The following UNC13B variants were observed in gnomAD, a reference collection of about 807,000 sequenced individuals.
UNC13B encodes the protein protein unc-13 homolog B.
Under a neutral mutation model 211.0 loss-of-function variants are expected in UNC13B, and 144 were observed. The observed-to-expected ratio is 0.68, with a 90% CI of 0.60 to 0.78. The LOEUF (loss-of-function observed/expected upper bound fraction) is 0.78. Ranked by LOEUF, UNC13B falls within the 30% of genes least tolerant of loss-of-function variation. UNC13B has a pLI of 0.00. For synonymous variants in UNC13B, 709 were observed against 725.8 expected (o/e 0.98, Z 0.37); for missense variants, 1,777 against 2,002.0 (o/e 0.89, Z 2.14).
chr9:35,377,589 G>A lies in UNC13B; in HGVS notation c.9957G>A (p.Arg3319=). 1 of 1,614,226 alleles carries A rather than the reference G, an allele frequency of 6.2e-7. No homozygotes were observed. The change falls in exon 16 of 40, where the codon CGG becomes CGA. Residue 3319 remains arginine (R), a synonymous_variant. Coordinates refer to ENST00000635942, the MANE Select transcript of UNC13B (RefSeq NM_001371189.2). The stretch of plus-strand genomic sequence containing the variant: ...AGCCAGAGATCTTTGAAGTTATCCG[G>A]GACGTCTTCACAGTGAACAAAGCTG... The part of the protein sequence containing the change: ...RNKPEIFEVI[R]DVFTVNKAAH...
intron 1 of UNC13B, among the ~76,000 whole-genome samples, chr9:35,226,563 A>G (rs1046799233): frequency 2.0e-5 from 3 of 152,332 alleles, no homozygotes; most frequent in Admixed American, 1.3e-4. Flanking sequence ...TGCAGCCTTC[A>G]GTCTGTGGTC....
chr9:35,272,249 T>TG lies in UNC13B; in HGVS notation c.526+13199_526+13200insG, dbSNP rs1564106274. Among the ~76,000 whole-genome samples, 112 of 150,638 alleles carry TG rather than the reference T, an allele frequency of 7.4e-4. 1 individual carries two copies. The South Asian group carries it at 0.018, about 24-fold the overall frequency. On this transcript the variant is annotated intron_variant, in intron 7 of 39. Transcript: ENST00000635942. The stretch of plus-strand genomic sequence containing the variant: ...GGTTGTTTCATTTTGTTTTTTTTGT[T>TG]TTTTTTTGTTTTTGTTTTTTTTTTT...
intron 29 of UNC13B, 73 bp downstream of exon 29, chr9:35,397,383 A>C: frequency 3.2e-6 from 5 of 1,584,416 alleles, no homozygotes; most frequent in Non-Finnish European, 3.4e-6. Context: ...GCCTGAGCTC[A>C]GCACCTCTCC....
At chr9:35,401,632 G>T (rs748163481) in intron 37 of UNC13B, among the ~76,000 whole-genome samples, 1 of 152,198 alleles carries the variant, frequency 6.6e-6, no homozygotes, top group Non-Finnish European at 1.5e-5. Flanking sequence ...TCTACCCGTT[G>T]CTTTATCATT....
At chr9:35,231,460 A>G (rs1291566702) in intron 3 of UNC13B, among the ~76,000 whole-genome samples, 1 of 152,192 alleles carries the variant, frequency 6.6e-6, no homozygotes, top group Non-Finnish European at 1.5e-5. Flanking sequence ...ATGAATGATA[A>G]TGCAGGTAAA....
intron 1 of UNC13B, among the ~76,000 whole-genome samples, chr9:35,205,500 A>G (rs1413181371): frequency 6.6e-6 from 1 of 152,230 alleles, no homozygotes; most frequent in East Asian, 1.9e-4. Context: ...TTATCACTGT[A>G]AGAAAGAAAC....
chr9:35,278,255 C>T (rs1490800807), intron 7 of UNC13B, among the ~76,000 whole-genome samples: 1 of 152,154 alleles, frequency 6.6e-6, no homozygotes, highest in Non-Finnish European at 1.5e-5. Context: ...TTCTTTTACT[C>T]CAGATACGTA....
In UNC13B at chr9:35,302,674, A is replaced by T; in HGVS notation, c.3270A>T (p.Ile1090=). ...AIPGVVPKEH[I]TSDPLGEDKN... is the part of the protein sequence containing the mutation. ...CTGGAGTTGTGCCCAAAGAACATAT[A>T]ACTTCAGATCCTTTAGGAGAAGATA... The change falls in exon 9 of 40, where the codon ATA becomes ATT. Residue 1090 remains isoleucine, a synonymous_variant. Coordinates refer to ENST00000635942, the MANE Select transcript of UNC13B (RefSeq NM_001371189.2). 2.5e-6 allele frequency: 1 copy of T among 398,678 alleles called. No individual in the cohort carries two copies. The highest frequency in any genetic ancestry group is 4.4e-6 in the Non-Finnish European group (1 of 225,762). The allele number at this position is 398,678 out of a possible 1,614,324, so 24.7% of individuals were successfully genotyped here.
intron 1 of UNC13B, among the ~76,000 whole-genome samples, chr9:35,181,258 T>C (rs540437997): frequency 6.6e-6 from 1 of 152,346 alleles, no homozygotes; most frequent in East Asian, 1.9e-4. Flanking sequence ...TAAAATCCTT[T>C]ATCTTTGTTT....
At chr9:35,253,716 A>G (rs1443444476) in intron 6 of UNC13B, among the ~76,000 whole-genome samples, 2 of 151,964 alleles carry the variant, frequency 1.3e-5, no homozygotes, top group Non-Finnish European at 2.9e-5. Flanking sequence ...TACTTTTCCT[A>G]CTCATGGGCA....
intron 7 of UNC13B, among the ~76,000 whole-genome samples, chr9:35,266,330 G>A (rs1194939432): frequency 1.3e-5 from 2 of 152,084 alleles, no homozygotes; most frequent in South Asian, 2.1e-4. Flanking sequence ...AATCCTCTGC[G>A]GCCATTTATA....
intron 1 of UNC13B, among the ~76,000 whole-genome samples, chr9:35,204,978 A>G (rs1272382056): frequency 6.6e-6 from 1 of 152,132 alleles, no homozygotes; most frequent in Non-Finnish European, 1.5e-5. Flanking sequence ...TGTAATCCCC[A>G]GTGTTGGAGG....
chr9:35,323,037 G>A (rs1329179360), intron 11 of UNC13B, among the ~76,000 whole-genome samples: 1 of 151,668 alleles, frequency 6.6e-6, no homozygotes, highest in Non-Finnish European at 1.5e-5. Flanking sequence ...ATAATGCACA[G>A]TTTTCCTACT....
At chr9:35,230,234 G>A (rs1361036943) in intron 2 of UNC13B, among the ~76,000 whole-genome samples, 1 of 152,098 alleles carries the variant, frequency 6.6e-6, no homozygotes, top group African/African-American at 2.4e-5. Context: ...CACTTTTGGA[G>A]GCCAAGATGG....
intron 3 of UNC13B, among the ~76,000 whole-genome samples, chr9:35,232,430 C>A (rs532535713): frequency 1.3e-5 from 2 of 151,934 alleles, no homozygotes; most frequent in Admixed American, 1.3e-4. Context: ...AATCTTCCCG[C>A]CTTGGCCTCC....
At chr9:35,244,153 G>C (rs182426235) in intron 6 of UNC13B, among the ~76,000 whole-genome samples, 2 of 152,118 alleles carry the variant, frequency 1.3e-5, no homozygotes, top group Admixed American at 1.3e-4. Context: ...CTTAGACATA[G>C]AATTCTGAGA....
At chr9:35,389,023 T>TTA (rs1211669056) in intron 24 of UNC13B, among the ~76,000 whole-genome samples, 1 of 152,208 alleles carries the variant, frequency 6.6e-6, no homozygotes, top group Non-Finnish European at 1.5e-5. Flanking sequence ...TAATGCAGGC[T>TTA]TATTAAGGAC....
At chr9:35,381,029 T>A (rs527867010) in intron 18 of UNC13B, 71 bp from the exon 19 acceptor site, 1 of 1,478,604 alleles carries the variant, frequency 6.8e-7, no homozygotes, top group East Asian at 2.3e-5. Flanking sequence ...TTCCTTGGGT[T>A]AAGCCAGAAT....
intron 1 of UNC13B, among the ~76,000 whole-genome samples, chr9:35,166,200 G>A (rs1474478324): frequency 6.6e-6 from 1 of 152,020 alleles, no homozygotes; most frequent in Admixed American, 6.5e-5. Context: ...TGGCCAACGT[G>A]GTGAAACCCC....
Sources: allele counts gnomAD v4.1 joint callset (sites outside exome capture counted in the v4.1 genomes callset), GRCh38; gene constraint gnomAD v4.1.1; transcripts MANE v1.5; gene names NCBI Gene and HGNC (gene_info 2026-07-23, HGNC 2026-07-21).